Variants in RGS7 observed in about 807,000 individuals in gnomAD.
RGS7 encodes the protein regulator of G protein signaling 7, also known as regulator of G-protein signaling 7.
A neutral mutation model predicts 81.1 loss-of-function variants in RGS7; 27 were observed. The observed-to-expected ratio is 0.33, with a 90% CI of 0.25 to 0.46. The LOEUF (loss-of-function observed/expected upper bound fraction) is 0.46. Among genes scored for constraint, RGS7 ranks in the 20% least tolerant of loss-of-function variants. RGS7 has a pLI of 1.00. For missense variants in RGS7, 396 were observed against 607.4 expected (o/e 0.65, Z 3.66); for synonymous variants, 208 against 207.7 (o/e 1.00, Z -0.01).
chr1:240,909,310 T>A (rs1220274803), intron 6 of RGS7, among the ~76,000 whole-genome samples: 1 of 152,220 alleles, frequency 6.6e-6, no homozygotes, highest in African/African-American at 2.4e-5. Context: ...TCCAATTATT[T>A]CACCAATAAA....
intron 4 of RGS7, among the ~76,000 whole-genome samples, chr1:240,964,157 C>T (rs1483934549): frequency 2.6e-5 from 4 of 152,092 alleles, no homozygotes; most frequent in South Asian, 2.1e-4. Context: ...TAAAGCAGAG[C>T]GAGTTAAAAC....
At chr1:241,147,780 T>TTTTATATATATATATATATATATA (rs1428939736) in intron 2 of RGS7, among the ~76,000 whole-genome samples, 16 of 44,646 alleles carry the variant, frequency 3.6e-4, no homozygotes, top group Non-Finnish European at 6.4e-4. Context: ...AGATTAAGTT[T>TTTTATATATATATATATATATATA]TATATATATA....
intron 2 of RGS7, among the ~76,000 whole-genome samples, chr1:241,300,127 A>G (rs1207320112): frequency 6.6e-6 from 1 of 151,652 alleles, no homozygotes; most frequent in Non-Finnish European, 1.5e-5. Context: ...AAAAAAAAAG[A>G]CAATTTTTTG....
At chr1:241,340,061 T>A (rs1246123998) in intron 2 of RGS7, among the ~76,000 whole-genome samples, 5 of 152,212 alleles carry the variant, frequency 3.3e-5, no homozygotes, top group Non-Finnish European at 7.3e-5. Flanking sequence ...ATAATTCTAG[T>A]TAATGAGGAG....
chr1:241,068,224 T>TTGTGTGTGCGTGTGTGTG (rs2062186169), intron 3 of RGS7, among the ~76,000 whole-genome samples: 4 of 55,832 alleles, frequency 7.2e-5, no homozygotes, highest in Admixed American at 2.3e-4. Flanking sequence ...TATCCATAAA[T>TTGTGTGTGCGTGTGTGTG]TGTGTGTGTG....
chr1:240,777,778 A>C (rs1420943719), intron 18 of RGS7, among the ~76,000 whole-genome samples: 1 of 152,162 alleles, frequency 6.6e-6, no homozygotes, highest in Non-Finnish European at 1.5e-5. Context: ...CTATCTGATA[A>C]AGGCTCCTGT....
intron 4 of RGS7, among the ~76,000 whole-genome samples, chr1:240,966,591 T>G (rs1361815116): frequency 1.3e-5 from 2 of 152,192 alleles, no homozygotes; most frequent in Admixed American, 1.3e-4. Flanking sequence ...TCATTTTCTA[T>G]GGAATAAAAG....
chr1:240,957,839 T>A (rs1680708112), intron 4 of RGS7, among the ~76,000 whole-genome samples: 1 of 152,178 alleles, frequency 6.6e-6, no homozygotes, highest in Non-Finnish European at 1.5e-5. Flanking sequence ...AAAATAAGAT[T>A]TTTTAAGAGC....
chr1:240,835,334 T>G (rs1456452206), intron 9 of RGS7, among the ~76,000 whole-genome samples: 1 of 152,230 alleles, frequency 6.6e-6, no homozygotes, highest in African/African-American at 2.4e-5. Flanking sequence ...AATACATTTA[T>G]ACAAAGATGC....
chr1:241,011,271 G>A (rs2058941944), intron 3 of RGS7, among the ~76,000 whole-genome samples: 1 of 152,104 alleles, frequency 6.6e-6, no homozygotes, highest in African/African-American at 2.4e-5. Flanking sequence ...ATGGGCTTGG[G>A]GACTGAAAGG....
chr1:241,261,539 G>A (rs2077333379), intron 2 of RGS7, among the ~76,000 whole-genome samples: 1 of 150,894 alleles, frequency 6.6e-6, no homozygotes, highest in Non-Finnish European at 1.5e-5. Context: ...TGAGGCAGGG[G>A]AATCACTTGA....
chr1:241,356,290 C>T (rs972354993), intron 1 of RGS7, among the ~76,000 whole-genome samples: 1 of 152,116 alleles, frequency 6.6e-6, no homozygotes, highest in Non-Finnish European at 1.5e-5. Context: ...CCACCTGCAG[C>T]CCATCAGAGA....
At chr1:240,910,786 C>T (rs1278850139) in intron 6 of RGS7, among the ~76,000 whole-genome samples, 1 of 152,036 alleles carries the variant, frequency 6.6e-6, no homozygotes, top group Non-Finnish European at 1.5e-5. Context: ...GGTGTCATCT[C>T]AGCTCACTGC....
intron 2 of RGS7, among the ~76,000 whole-genome samples, chr1:241,337,014 T>C (rs1244355660): frequency 1.3e-5 from 2 of 152,154 alleles, no homozygotes; most frequent in Non-Finnish European, 2.9e-5. Context: ...AAACAAGATG[T>C]GGAGTTAGGC....
chr1:240,802,525 A>G (rs1344804787), intron 16 of RGS7, among the ~76,000 whole-genome samples: 1 of 152,184 alleles, frequency 6.6e-6, no homozygotes, highest in East Asian at 1.9e-4. Flanking sequence ...TTCAAAACAT[A>G]CATTCTAGCT....
intron 2 of RGS7, among the ~76,000 whole-genome samples, chr1:241,104,639 A>T (rs4307551): frequency 0.17 from 25,468 of 152,204 alleles, 2,374 homozygotes; most frequent in African/African-American, 0.24. Flanking sequence ...TTTTTAATGC[A>T]AACTGATTCA....
At chr1:240,965,255 A>G (rs1041234781) in intron 4 of RGS7, among the ~76,000 whole-genome samples, 1 of 152,176 alleles carries the variant, frequency 6.6e-6, no homozygotes, top group Non-Finnish European at 1.5e-5. Context: ...AAGCCCCTTT[A>G]TGATGCTGGA....
At chr1:241,074,917 C>A (rs1418493160) in intron 3 of RGS7, among the ~76,000 whole-genome samples, 1 of 152,068 alleles carries the variant, frequency 6.6e-6, no homozygotes, top group African/African-American at 2.4e-5. Flanking sequence ...TTGAATTAAG[C>A]CAAATTGCTT....
chr1:241,003,774 G>T (rs530386022), intron 3 of RGS7, among the ~76,000 whole-genome samples: 1 of 152,200 alleles, frequency 6.6e-6, no homozygotes, highest in Admixed American at 6.5e-5. Context: ...TTTTGAGATG[G>T]AGTCTCGCTC....
Sources: gnomAD v4.1 joint callset for allele counts (sites outside exome capture counted in the v4.1 genomes callset) on GRCh38, gnomAD v4.1.1 for gene constraint, MANE v1.5 for transcripts, NCBI Gene and HGNC (gene_info 2026-07-23, HGNC 2026-07-21) for gene names.